The following ATP11A variants were observed in gnomAD, a reference collection of about 807,000 sequenced individuals.
ATP11A encodes the protein ATPase phospholipid transporting 11A.
In ATP11A, 81 loss-of-function variants were observed where a neutral mutation model predicts 154.4. The ratio of observed to expected loss-of-function variants is 0.52; its 90% CI spans 0.44 to 0.63. The LOEUF (loss-of-function observed/expected upper bound fraction) is 0.63, where lower values mean the gene tolerates loss of function less well. ATP11A is among the 30% of genes least tolerant of loss of function. The pLI is 0.00. For synonymous variants in ATP11A, 623 were observed against 585.9 expected (o/e 1.06, Z -0.91); for missense variants, 1,316 against 1,474.3 (o/e 0.89, Z 1.76).
intron 25 of ATP11A, among the ~76,000 whole-genome samples, chr13:112,865,537 A>T (rs182476590): frequency 6.6e-6 from 1 of 152,148 alleles, no homozygotes; most frequent in Non-Finnish European, 1.5e-5. Flanking sequence ...GTCCTGCTGA[A>T]GTTTTTTTTT....
At chr13:112,714,958 C>T (rs1888256563) in intron 1 of ATP11A, among the ~76,000 whole-genome samples, 1 of 150,804 alleles carries the variant, frequency 6.6e-6, no homozygotes, top group Non-Finnish European at 1.5e-5. Context: ...TCCCGTAGAC[C>T]CTGGCAGCCC....
chr13:112,787,730 C>T (rs1357781557), intron 2 of ATP11A, among the ~76,000 whole-genome samples: 3 of 149,408 alleles, frequency 2.0e-5, no homozygotes, highest in Admixed American at 6.7e-5. Context: ...TAATCCACAC[C>T]GGGTGTCCTG....
intron 25 of ATP11A, among the ~76,000 whole-genome samples, chr13:112,871,501 A>G (rs2080519218): frequency 6.6e-6 from 1 of 152,160 alleles, no homozygotes; most frequent in African/African-American, 2.4e-5. Flanking sequence ...CCCATCACCA[A>G]GCCACAGAAC....
At position 112,838,568 on chromosome 13, in the gene ATP11A, G is replaced by C. The variant is rs2079305254; in HGVS notation, c.1705+2317G>C. ...TCACAAGGGGTTTTTGCTGCATCCTGAATGCCCAAGACCTCAGGGCATTGT... is the reference window on the plus strand; with the variant it reads ...TCACAAGGGGTTTTTGCTGCATCCTCAATGCCCAAGACCTCAGGGCATTGT... On this transcript the variant is annotated intron_variant, in intron 16 of 29. Coordinates refer to ENST00000375645, the MANE Select transcript of ATP11A (RefSeq NM_015205.3). This position sits in a 1 kb window ranked among gnomAD's most constrained non-coding sequence, Gnocchi z 7.3. Among the ~76,000 whole-genome samples the C allele has an allele frequency of 6.6e-6, 1 of 152,228 alleles. No homozygotes were observed. Among genetic ancestry groups the C allele is most frequent in the Non-Finnish European group, 1.5e-5 (1 of 68,034 alleles).
rs2080914780 is a variant in ATP11A at position 112,882,823 on chromosome 13, A to T, written c.*957A>T. On this transcript the variant is annotated 3_prime_UTR_variant, in exon 30 of 30. Coordinates refer to ENST00000375645, the MANE Select transcript of ATP11A (RefSeq NM_015205.3). This position sits in a 1 kb window ranked among gnomAD's most constrained non-coding sequence, Gnocchi z 5.1. ...GCCGGGAGACAGATACTTGGCTGTG[A>T]TGAGCAGACATCCTCTGTCCCCGTG... 2.5e-6 allele frequency: 1 copy of T among 399,182 alleles called. No homozygotes were observed. Among genetic ancestry groups the T allele is most frequent in the Admixed American group, 4.4e-5 (1 of 22,744 alleles). 24.7% of individuals were successfully genotyped at this position (399,182 alleles called of 1,614,324 possible).
intron 22 of ATP11A, chr13:112,858,936 A>G (rs2140353080): frequency 4.5e-6 from 1 of 224,538 alleles, no homozygotes; most frequent in East Asian, 1.2e-4. Flanking sequence ...CCATCCGCAG[A>G]CTCTGCATCC....
intron 1 of ATP11A, among the ~76,000 whole-genome samples, chr13:112,724,433 G>T (rs1443087446): frequency 6.6e-6 from 1 of 152,060 alleles, no homozygotes; most frequent in Non-Finnish European, 1.5e-5. Context: ...GGCTTATGAT[G>T]GTGGGAGCAA....
rs2079974514 is a variant in ATP11A at position 112,857,828 on chromosome 13, TAATC to T, written c.2432_2435del (p.Ile811AsnfsTer10). ...TTCTTTCTTTTGCAGATTGTTAAATTAATCAAATTTTCAAAAGAGCACCCAATCA... is the reference window on the plus strand; with the variant it reads ...TTCTTTCTTTTGCAGATTGTTAAATTAAATTTTCAAAAGAGCACCCAATCA... On this transcript the variant is annotated frameshift_variant, in exon 21 of 30. Transcript: ENST00000375645. LOFTEE classifies it high-confidence loss of function. 1 of 1,613,702 alleles carries T rather than the reference TAATC, an allele frequency of 6.2e-7. No homozygotes were observed. Among genetic ancestry groups the T allele is most frequent in the Non-Finnish European group, 8.5e-7 (1 of 1,179,710 alleles).
chr13:112,723,682 G>A (rs1457633185), intron 1 of ATP11A, among the ~76,000 whole-genome samples: 1 of 152,064 alleles, frequency 6.6e-6, no homozygotes, highest in Non-Finnish European at 1.5e-5. Flanking sequence ...CCTCTGTCAT[G>A]GCTGGGAGCT....
chr13:112,725,095 A>G (rs1889678185), intron 1 of ATP11A, among the ~76,000 whole-genome samples: 1 of 152,160 alleles, frequency 6.6e-6, no homozygotes, highest in Non-Finnish European at 1.5e-5. Flanking sequence ...CCGGCCATGC[A>G]TACCTGGGGG....
At chr13:112,809,890 C>T (rs528630405) in intron 4 of ATP11A, among the ~76,000 whole-genome samples, 9 of 152,300 alleles carry the variant, frequency 5.9e-5, no homozygotes, top group Admixed American at 2.0e-4. Flanking sequence ...TAGTTGGAAT[C>T]GGAGTGCACG....
chr13:112,846,817 C>T (rs1594163275), intron 17 of ATP11A, among the ~76,000 whole-genome samples: 1 of 152,354 alleles, frequency 6.6e-6, no homozygotes, highest in Middle Eastern at 3.4e-3. Flanking sequence ...TCCTTTCAGG[C>T]CATGCCTTCG....
Position 112,885,462 on chromosome 13 carries a change from C to T in ATP11A, c.*3596C>T, listed in dbSNP as rs1263659905. ...TAAACACACGTGCACACATCGTACACATGTGAGCTCCCACACGTACACACA... is the reference window on the plus strand; with the variant it reads ...TAAACACACGTGCACACATCGTACATATGTGAGCTCCCACACGTACACACA... On this transcript the variant is annotated 3_prime_UTR_variant, in exon 30 of 30. Transcript: ENST00000375645. 6.6e-6 allele frequency: 1 copy of T among 152,262 alleles called. No homozygotes were observed. Among genetic ancestry groups the T allele is most frequent in the Non-Finnish European group, 1.5e-5 (1 of 68,082 alleles). The allele number at this position is 152,262 out of a possible 1,614,324, so 9.4% of individuals were successfully genotyped here. A position where few individuals can be genotyped will look rare whatever the true frequency, so the allele number is the denominator to read the frequency against.
rs544842048 is a variant in ATP11A, at chr13:112,807,433, G to A, written c.333+1140G>A. Reference sequence around the variant, plus strand: ...CCTCCGTAAGGAAATGGACAGCTCCGCCGCGGTGCATGGCAGAACACAGCA... The same window carrying A: ...CCTCCGTAAGGAAATGGACAGCTCCACCGCGGTGCATGGCAGAACACAGCA... On this transcript the variant is annotated intron_variant, in intron 4 of 29. Coordinates refer to ENST00000375645, the MANE Select transcript of ATP11A (RefSeq NM_015205.3). This position sits in a 1 kb window ranked among gnomAD's most constrained non-coding sequence, Gnocchi z 4.5. Among the ~76,000 whole-genome samples the A allele has an allele frequency of 1.9e-4, 29 of 152,182 alleles. No homozygotes were observed. Among genetic ancestry groups the A allele is most frequent in the South Asian group, 4.1e-4 (2 of 4,824 alleles).
intron 13 of ATP11A, among the ~76,000 whole-genome samples, chr13:112,832,089 TCA>T (rs144310043): frequency 6.6e-6 from 1 of 151,524 alleles, no homozygotes; most frequent in East Asian, 2.0e-4. Context: ...ACACGTACTC[TCA>T]CACACGCCCA....
rs144310043 is a variant in ATP11A at position 112,832,089 on chromosome 13, TCACA to T, written c.1395+545_1395+548del. 8.0e-4 allele frequency among the ~76,000 whole-genome samples: 121 copies of T among 151,644 alleles called. 1 individual carries two copies. In the East Asian group the frequency reaches 0.022, roughly 27 times the overall value. On this transcript the variant is annotated intron_variant, in intron 13 of 29. Transcript: ENST00000375645. ...CTCACATGCAGACACACACGTACTC[TCACA>T]CACGCCCAGTTACCGTGTGCACGCA...
intron 1 of ATP11A, among the ~76,000 whole-genome samples, chr13:112,694,053 C>A (rs1033915125): frequency 6.6e-6 from 1 of 152,158 alleles, no homozygotes; most frequent in Non-Finnish European, 1.5e-5. Flanking sequence ...GTTTAAGTTC[C>A]GAGAGGAACC....
intron 1 of ATP11A, among the ~76,000 whole-genome samples, chr13:112,751,424 C>A (rs408247): frequency 0.18 from 27,314 of 152,088 alleles, 2,654 homozygotes; most frequent in African/African-American, 0.24. Flanking sequence ...CTTTGGGAGG[C>A]TGAGTTGGGT....
At chr13:112,809,151 AGT>A (rs549763774) in intron 4 of ATP11A, among the ~76,000 whole-genome samples, 68 of 152,140 alleles carry the variant, frequency 4.5e-4, no homozygotes, top group African/African-American at 9.4e-4. Flanking sequence ...GTGCTAAATA[AGT>A]GTGTTTAATG....
Sources: gnomAD v4.1 joint callset for allele counts (sites outside exome capture counted in the v4.1 genomes callset) on GRCh38, gnomAD v4.1.1 for gene constraint, Gnocchi (gnomAD v3.1) non-coding constraint, MANE v1.5 for transcripts, NCBI Gene and HGNC (gene_info 2026-07-23, HGNC 2026-07-21) for gene names.